Variants in SUGCT observed in about 807,000 individuals in gnomAD.
SUGCT encodes succinyl-CoA:glutarate CoA-transferase.
Under a neutral mutation model 55.0 loss-of-function variants are expected in SUGCT, and 41 were observed. The observed-to-expected ratio is 0.74, with a 90% CI of 0.58 to 0.97. The LOEUF (loss-of-function observed/expected upper bound fraction) is 0.97. SUGCT is among the 50% of genes least tolerant of loss of function. SUGCT has a pLI of 0.00. For synonymous variants in SUGCT, 187 were observed against 200.4 expected, an observed-to-expected ratio of 0.93 and a Z score of 0.56; for missense variants, 568 against 547.8, an observed-to-expected ratio of 1.04 and a Z score of -0.37.
chr7:40,505,071 G>A (rs1028595945), intron 12 of SUGCT, among the ~76,000 whole-genome samples: 2 of 152,078 alleles, frequency 1.3e-5, no homozygotes, highest in African/African-American at 4.8e-5. Context: ...GGAATATTTT[G>A]TAGATGTCTA....
Position 40,407,499 on chromosome 7 carries a change from G to A in SUGCT, c.817-41788G>A, listed in dbSNP as rs112903696. On this transcript the variant is annotated intron_variant, in intron 9 of 13. Coordinates refer to ENST00000335693, the MANE Select transcript of SUGCT (RefSeq NM_001193313.2). The stretch of plus-strand genomic sequence containing the variant: ...AAAAAAGAAGTACGTCATCATTTAT[G>A]GTCCTCTTTAAGTCTTAAGAAGATA... Among the ~76,000 whole-genome samples, 115 of 151,942 alleles carry A rather than the reference G, an allele frequency of 7.6e-4. 2 individuals are homozygous for A. The highest frequency in any genetic ancestry group is 2.7e-3 in the African/African-American group (112 of 41,470).
At chr7:40,812,365 T>C (rs1360111805) in intron 13 of SUGCT, among the ~76,000 whole-genome samples, 2 of 152,088 alleles carry the variant, frequency 1.3e-5, no homozygotes, top group African/African-American at 2.4e-5. Context: ...CTTTTTCTGA[T>C]TGGTAGTTTT....
chr7:41,033,299 A>T, the SUGCT span, among the ~76,000 whole-genome samples: 1 of 151,690 alleles, frequency 6.6e-6, no homozygotes, highest in Non-Finnish European at 1.5e-5. Context: ...TCCTTTCTGG[A>T]CTCACTTCCA....
chr7:40,785,415 C>T lies in SUGCT; in HGVS notation c.1153+35918C>T, dbSNP rs114562066. ...AGTCCTATTAAAGAAAGCTTAGTCC[C>T]AGTTGGAGAATATACATTTGATACT... On this transcript the variant is annotated intron_variant, in intron 13 of 13. Coordinates refer to ENST00000335693, the MANE Select transcript of SUGCT (RefSeq NM_001193313.2). Among the ~76,000 whole-genome samples, 335 of 152,282 alleles carry T rather than the reference C, an allele frequency of 2.2e-3. 1 individual carries two copies. Among genetic ancestry groups the T allele is most frequent in the African/African-American group, 7.9e-3 (328 of 41,554 alleles).
intron 7 of SUGCT, among the ~76,000 whole-genome samples, chr7:40,247,518 G>A (rs761663428): frequency 3.9e-5 from 6 of 152,172 alleles, no homozygotes; most frequent in East Asian, 3.9e-4. Flanking sequence ...TGGACCTCCC[G>A]AAGTCCTGGG....
chr7:40,593,841 A>G (rs1044507796), intron 12 of SUGCT, among the ~76,000 whole-genome samples: 1 of 152,116 alleles, frequency 6.6e-6, no homozygotes, highest in African/African-American at 2.4e-5. Flanking sequence ...TCTGTCTCAC[A>G]AACAACAACA....
At chr7:40,446,673 T>C (rs1562783741) in intron 9 of SUGCT, among the ~76,000 whole-genome samples, 1 of 152,200 alleles carries the variant, frequency 6.6e-6, no homozygotes, top group Non-Finnish European at 1.5e-5. Flanking sequence ...CTGGAAGCAA[T>C]CATTTGGTTG....
rs561030444 is a variant in SUGCT, at chr7:40,822,770, A to G, written c.1154-37546A>G. ...ATCTGAGGTAATCTCATATTGTTGA[A>G]CGTGGAGAAATCCTGAAAGAGATAT... On this transcript the variant is annotated intron_variant, in intron 13 of 13. Transcript: ENST00000335693. Among the ~76,000 whole-genome samples, 8 of 152,262 alleles carry G rather than the reference A, an allele frequency of 5.3e-5. No homozygotes were observed. In the East Asian group the frequency reaches 1.5e-3, roughly 29 times the overall value.
intron 13 of SUGCT, among the ~76,000 whole-genome samples, chr7:40,829,756 G>A (rs890995406): frequency 1.3e-5 from 2 of 151,952 alleles, no homozygotes; most frequent in African/African-American, 2.4e-5. Context: ...GACCATGTCC[G>A]GCCCTGTGCT....
chr7:40,658,863 A>G (rs1801160831), intron 12 of SUGCT, among the ~76,000 whole-genome samples: 2 of 152,036 alleles, frequency 1.3e-5, no homozygotes, highest in Non-Finnish European at 2.9e-5. Flanking sequence ...CTTCCTCTCC[A>G]TGTGTCATCA....
At chr7:40,901,928 C>A in the SUGCT span, among the ~76,000 whole-genome samples, 1 of 152,106 alleles carries the variant, frequency 6.6e-6, no homozygotes, top group Non-Finnish European at 1.5e-5. Context: ...AGGAGCCTTG[C>A]GGTGCACATC....
intron 9 of SUGCT, among the ~76,000 whole-genome samples, chr7:40,404,781 T>C (rs905197599): frequency 6.6e-6 from 1 of 152,174 alleles, no homozygotes; most frequent in African/African-American, 2.4e-5. Flanking sequence ...GAGGAGATTT[T>C]GATCCATATT....
At position 40,673,580 on chromosome 7, in the gene SUGCT, G is replaced by A. The variant is rs1052512589; in HGVS notation, c.1090-75854G>A. On this transcript the variant is annotated intron_variant, in intron 12 of 13. Transcript: ENST00000335693. ...AATGAAACTCTCTGTGAGGAGTTTTGTGGTTCTATTTAAGGGCGCTATGTA... is the reference window on the plus strand; with the variant it reads ...AATGAAACTCTCTGTGAGGAGTTTTATGGTTCTATTTAAGGGCGCTATGTA... 3.9e-5 allele frequency among the ~76,000 whole-genome samples: 6 copies of A among 151,978 alleles called. No individual in the cohort carries two copies. The East Asian group carries it at 1.2e-3, about 29-fold the overall frequency.
intron 1 of SUGCT, among the ~76,000 whole-genome samples, chr7:40,157,012 CAA>C (rs3046489): frequency 6.0e-5 from 7 of 116,822 alleles, no homozygotes; most frequent in Non-Finnish European, 3.6e-5. Context: ...AAGACTGTCT[CAA>C]AAAAAAAAAA....
chr7:40,821,238 T>G (rs1791978897), intron 13 of SUGCT, among the ~76,000 whole-genome samples: 1 of 152,200 alleles, frequency 6.6e-6, no homozygotes, highest in African/African-American at 2.4e-5. Context: ...TTTTTTGTTG[T>G]GTCTCTGCCA....
intron 12 of SUGCT, among the ~76,000 whole-genome samples, chr7:40,648,647 G>A (rs1472325325): frequency 6.6e-6 from 1 of 152,246 alleles, no homozygotes; most frequent in African/African-American, 2.4e-5. Flanking sequence ...CTTACAAGGA[G>A]AGCGTTTTTG....
chr7:40,676,893 A>ATGTGTG (rs1784011803), intron 12 of SUGCT, among the ~76,000 whole-genome samples: 1 of 88,340 alleles, frequency 1.1e-5, no homozygotes, highest in Non-Finnish European at 2.2e-5. Context: ...TTTCAGAATG[A>ATGTGTG]CGTGTGTGTG....
At chr7:40,741,420 G>A (rs1787452603) in intron 12 of SUGCT, among the ~76,000 whole-genome samples, 1 of 152,138 alleles carries the variant, frequency 6.6e-6, no homozygotes, top group Non-Finnish European at 1.5e-5. Flanking sequence ...GCAAGTTAAA[G>A]CTTTAATAAG....
intron 8 of SUGCT, among the ~76,000 whole-genome samples, chr7:40,285,474 C>T (rs1793268362): frequency 1.5e-5 from 2 of 129,090 alleles, no homozygotes; most frequent in Admixed American, 8.1e-5. Flanking sequence ...TTTATTTATT[C>T]TTGTTTTTTT....
Sources: allele counts gnomAD v4.1 joint callset (sites outside exome capture counted in the v4.1 genomes callset), GRCh38; gene constraint gnomAD v4.1.1; transcripts MANE v1.5; gene names NCBI Gene and HGNC (gene_info 2026-07-23, HGNC 2026-07-21).